Variants in CFAP70 observed in about 807,000 individuals in gnomAD.
CFAP70 encodes the protein cilia- and flagella-associated protein 70.
In CFAP70, 81 loss-of-function variants were observed where a neutral mutation model predicts 137.6. That is an observed-to-expected ratio of 0.59 (90% CI 0.49 to 0.71). CFAP70 has a LOEUF of 0.71. CFAP70 is among the 30% of genes least tolerant of loss of function. CFAP70 has a pLI of 0.00. For synonymous variants in CFAP70, 382 were observed against 423.6 expected (o/e 0.90, Z 1.20); for missense variants, 976 against 1,226.7 (o/e 0.80, Z 3.05).
At chr10:73,350,751 T>A (rs1179347414) in intron 3 of CFAP70, among the ~76,000 whole-genome samples, 1 of 151,990 alleles carries the variant, frequency 6.6e-6, no homozygotes. Context: ...CCAGGTGGTA[T>A]TTATTTTGGT....
intron 19 of CFAP70, among the ~76,000 whole-genome samples, chr10:73,279,665 C>T (rs2047112066): frequency 6.6e-6 from 1 of 151,984 alleles, no homozygotes; most frequent in African/African-American, 2.4e-5. Context: ...TCAAGACCAG[C>T]CTGAGAAACA....
At chr10:73,336,556 T>C (rs2052682082) in intron 6 of CFAP70, among the ~76,000 whole-genome samples, 1 of 151,876 alleles carries the variant, frequency 6.6e-6, no homozygotes. Flanking sequence ...CGAGAAACAT[T>C]TGCAAGTGTG....
At chr10:73,330,410 A>G (rs992164050) in intron 8 of CFAP70, among the ~76,000 whole-genome samples, 7 of 149,680 alleles carry the variant, frequency 4.7e-5, no homozygotes, top group African/African-American at 7.4e-5. Flanking sequence ...AGATTGTGCC[A>G]CTGTACTCCA....
chr10:73,310,312 CATA>C, intron 11 of CFAP70, 63 bp from the exon 13 acceptor site: 1 of 1,133,824 alleles, frequency 8.8e-7, no homozygotes, highest in Non-Finnish European at 1.3e-6. Flanking sequence ...AATTTAGTAA[CATA>C]AGATGATGCT....
At chr10:73,352,447 G>C (rs2054350076) in intron 3 of CFAP70, among the ~76,000 whole-genome samples, 1 of 152,292 alleles carries the variant, frequency 6.6e-6, no homozygotes, top group East Asian at 1.9e-4. Flanking sequence ...TGGCTAAACA[G>C]AGCAGACTTT....
At chr10:73,279,214 A>G (rs1443988149) in intron 19 of CFAP70, 3 of 151,522 alleles carry the variant, frequency 2.0e-5, no homozygotes, top group Non-Finnish European at 2.9e-5. Flanking sequence ...TACAAATACT[A>G]TATATCAATT....
At chr10:73,320,815 C>A (rs2050786850) in intron 9 of CFAP70, among the ~76,000 whole-genome samples, 1 of 152,004 alleles carries the variant, frequency 6.6e-6, no homozygotes, top group Non-Finnish European at 1.5e-5. Context: ...TACAGGCACA[C>A]AACATCACGC....
intron 4 of CFAP70, chr10:73,348,158 T>G: frequency 6.2e-7 from 1 of 1,613,926 alleles, no homozygotes; most frequent in Non-Finnish European, 8.5e-7. Flanking sequence ...CTGATTACCT[T>G]AGCACTTGAT....
intron 19 of CFAP70, among the ~76,000 whole-genome samples, chr10:73,280,851 A>G (rs1215393221): frequency 1.3e-5 from 2 of 152,094 alleles, no homozygotes; most frequent in Non-Finnish European, 2.9e-5. Flanking sequence ...TGAAAGAAAC[A>G]GCTATTGGTT....
At chr10:73,298,886 T>C in intron 14 of CFAP70, 21 bp downstream of exon 15, 1 of 1,610,756 alleles carries the variant, frequency 6.2e-7, no homozygotes. Flanking sequence ...CATGGAGTAA[T>C]TAAACAAGTG....
intron 26 of CFAP70, 128 bp from the exon 28 acceptor site, chr10:73,254,183 C>T (rs2044238274): frequency 1.7e-6 from 1 of 588,912 alleles, no homozygotes; most frequent in South Asian, 4.4e-5. Context: ...TTGGCTCTTC[C>T]TATTTCCCTA....
At chr10:73,359,977 G>A (rs1469067119), upstream of CFAP70, among the ~76,000 whole-genome samples, 5 of 152,060 alleles carry the variant, frequency 3.3e-5, no homozygotes, top group Admixed American at 6.5e-5. Flanking sequence ...GACCATCCAA[G>A]GACAAGAAAG....
chr10:73,317,672 A>C (rs368171478), intron 9 of CFAP70, among the ~76,000 whole-genome samples: 4 of 151,918 alleles, frequency 2.6e-5, no homozygotes, highest in East Asian at 1.9e-4. Context: ...CTCTTACTAC[A>C]TATTGTTGGT....
intron 2 of CFAP70, among the ~76,000 whole-genome samples, chr10:73,354,382 C>T (rs1183163026): frequency 1.3e-5 from 2 of 152,006 alleles, no homozygotes; most frequent in Non-Finnish European, 2.9e-5. Flanking sequence ...TAGTACATCA[C>T]ATTGTTGTTG....
chr10:73,335,473 C>T, exon 7 of CFAP70: 1 of 1,611,760 alleles, frequency 6.2e-7, no homozygotes, highest in Non-Finnish European at 8.5e-7. Context: ...CTTTCCAAGT[C>T]CCAAATAATC....
chr10:73,265,224 C>G (rs1235131689), intron 25 of CFAP70, among the ~76,000 whole-genome samples: 1 of 151,308 alleles, frequency 6.6e-6, no homozygotes, highest in East Asian at 1.9e-4. Flanking sequence ...ACTGGGGAGG[C>G]TGAGGCAGGA....
intron 9 of CFAP70, among the ~76,000 whole-genome samples, chr10:73,322,512 G>T (rs1242730779): frequency 6.6e-6 from 1 of 150,702 alleles, no homozygotes; most frequent in Non-Finnish European, 1.5e-5. Context: ...AGGAATTTGA[G>T]GCAGTAGTGA....
chr10:73,295,182 G>C (rs777088749), intron 15 of CFAP70: 8 of 153,192 alleles, frequency 5.2e-5, no homozygotes, highest in African/African-American at 1.9e-4. Context: ...AGTTAGGCGT[G>C]GTGTGCACCT....
intron 19 of CFAP70, chr10:73,279,014 CTGGCATG>C (rs2047031730): frequency 6.6e-6 from 1 of 151,164 alleles, no homozygotes; most frequent in Non-Finnish European, 1.5e-5. Flanking sequence ...AGTGAAACTG[CTGGCATG>C]TGTATGTATG....
Sources: gnomAD v4.1 joint callset for allele counts (sites outside exome capture counted in the v4.1 genomes callset) on GRCh38, gnomAD v4.1.1 for gene constraint, MANE v1.5 for transcripts, NCBI Gene and HGNC (gene_info 2026-07-23, HGNC 2026-07-21) for gene names.